Variants in KIF1C observed in about 807,000 individuals in gnomAD.
KIF1C encodes the protein kinesin-like protein KIF1C.
In KIF1C, 61 loss-of-function variants were observed where a neutral mutation model predicts 126.5. The ratio of observed to expected loss-of-function variants is 0.48; its 90% CI spans 0.39 to 0.60. KIF1C has a LOEUF of 0.60. KIF1C is among the 20% of genes least tolerant of loss of function. The pLI is 0.00. For missense variants in KIF1C, 1,315 were observed against 1,489.2 expected, an observed-to-expected ratio of 0.88 and a Z score of 1.93; for synonymous variants, 640 against 580.6, an observed-to-expected ratio of 1.10 and a Z score of -1.47.
At chr17:5,004,286 T>C (rs746892804) in intron 11 of KIF1C, among the ~76,000 whole-genome samples, 5 of 152,158 alleles carry the variant, frequency 3.3e-5, no homozygotes, top group Non-Finnish European at 5.9e-5. Context: ...CTGACCTGGC[T>C]ACTCATGACC....
intron 18 of KIF1C, among the ~76,000 whole-genome samples, chr17:5,017,332 C>G: frequency 7.4e-6 from 1 of 135,692 alleles, no homozygotes; most frequent in East Asian, 2.1e-4. Context: ...CGGAGTCTCG[C>G]TCTGTCGCCC....
chr17:5,004,773 C>T, intron 12 of KIF1C, 82 bp from the exon 13 acceptor site: 1 of 1,603,762 alleles, frequency 6.2e-7, no homozygotes. Context: ...TATCTTGAGA[C>T]CTGGGAGAGG....
chr17:5,006,077 C>T (rs1471432530), intron 13 of KIF1C, among the ~76,000 whole-genome samples: 2 of 150,130 alleles, frequency 1.3e-5, no homozygotes, highest in South Asian at 2.1e-4. Flanking sequence ...TGTGGTGGCA[C>T]GCACCTGTAA....
In KIF1C at chr17:5,003,680, G is replaced by A; in HGVS notation, c.789G>A (p.Met263Ile). 1 of 1,613,620 alleles carries A rather than the reference G, an allele frequency of 6.2e-7. No homozygotes were observed. Among genetic ancestry groups the A allele is most frequent in the South Asian group, 1.1e-5 (1 of 91,006 alleles). Residue 263 changes from methionine (M) to isoleucine (I), a missense_variant, in exon 9 of 23, where the codon ATG (methionine) becomes ATA (isoleucine). Met to Ile is a conservative substitution (Grantham distance 10). Transcript: ENST00000320785. ...ERADSSGARGMRLKEGANINK... is the reference protein window; with the variant it reads ...ERADSSGARGIRLKEGANINK... ...CCGACTCCTCAGGGGCCCGGGGCAT[G>A]CGCCTGAAGGTGAGGGGCCTTCAGA...
intron 18 of KIF1C, among the ~76,000 whole-genome samples, chr17:5,018,833 A>G (rs238282): frequency 2.0e-5 from 3 of 152,068 alleles, no homozygotes; most frequent in Non-Finnish European, 4.4e-5. Context: ...TATATCACCA[A>G]TGTATTTCTG....
chr17:5,007,299 T>C lies in KIF1C; in HGVS notation c.1372T>C (p.Trp458Arg), dbSNP rs774678551. The C allele has an allele frequency of 3.7e-6, 6 of 1,612,194 alleles. No individual in the cohort carries two copies. The highest frequency in any genetic ancestry group is 2.2e-5 in the East Asian group (1 of 44,828). Residue 458 changes from tryptophan (W) to arginine (R), a missense_variant, in exon 15 of 23, where the codon TGG becomes CGG. Coordinates refer to ENST00000320785, the MANE Select transcript of KIF1C (RefSeq NM_006612.6). ...EKIIAELNETWEEKLRKTEAL... is the reference protein window; with the variant it reads ...EKIIAELNETREEKLRKTEAL... ...GATTATAGCTGAGCTGAACGAGACA[T>C]GGGAGGAGAAGCTACGCAAGACAGA...
chr17:5,016,328 G>C (rs1974972385), intron 18 of KIF1C, among the ~76,000 whole-genome samples: 1 of 151,504 alleles, frequency 6.6e-6, no homozygotes, highest in African/African-American at 2.4e-5. Context: ...GTAGAAACAG[G>C]GTTTCTCCAA....
chr17:5,018,796 C>T (rs750008271), intron 18 of KIF1C, among the ~76,000 whole-genome samples: 3 of 152,080 alleles, frequency 2.0e-5, no homozygotes, highest in Non-Finnish European at 2.9e-5. Context: ...CAGAAGTAAG[C>T]TCTATGAGAG....
chr17:5,023,024 TTTTG>T lies in KIF1C; in HGVS notation c.2628+319_2628+322del, dbSNP rs1215833434. On this transcript the variant is annotated intron_variant, in intron 22 of 22. Coordinates refer to ENST00000320785, the MANE Select transcript of KIF1C (RefSeq NM_006612.6). The surrounding 1 kb of genome is among the most constrained non-coding windows in gnomAD (Gnocchi z 4.2). ...CACTGATATAAAGTTTGCAGTTTTGTTTTGTTTCTGAGGTGAAGTCTTGCTCTGT... is the reference window on the plus strand; with the variant it reads ...CACTGATATAAAGTTTGCAGTTTTGTTTTCTGAGGTGAAGTCTTGCTCTGT... 6.6e-6 allele frequency among the ~76,000 whole-genome samples: 1 copy of T among 152,174 alleles called. No individual in the cohort carries two copies. Among genetic ancestry groups the T allele is most frequent in the Non-Finnish European group, 1.5e-5 (1 of 68,036 alleles).
chr17:5,020,007 C>T lies in KIF1C; in HGVS notation c.1678C>T (p.Leu560=). 6.2e-7 allele frequency: 1 copy of T among 1,604,274 alleles called. No individual in the cohort carries two copies. The highest frequency in any genetic ancestry group is 8.5e-7 in the Non-Finnish European group (1 of 1,175,248). ...PQPDGEVVVT[L]EPCEGAETYV... The stretch of plus-strand genomic sequence containing the variant: ...GCCCCTCCATTCAGTGGTGGTCACT[C>T]TGGAGCCTTGTGAAGGAGCTGAGAC... Residue 560 remains leucine, a synonymous_variant, in exon 19 of 23, where the codon CTG becomes TTG. Transcript: ENST00000320785. This position sits in a 1 kb window ranked among gnomAD's most constrained non-coding sequence, Gnocchi z 5.8.
intron 16 of KIF1C, among the ~76,000 whole-genome samples, chr17:5,009,659 G>A (rs190555240): frequency 1.1e-4 from 17 of 151,300 alleles, no homozygotes; most frequent in African/African-American, 3.9e-4. Flanking sequence ...GTGCTGGCGG[G>A]CGCCTGTAGT....
chr17:5,001,489 G>C (rs1408777104), intron 5 of KIF1C, 88 bp downstream of exon 5: 4 of 1,309,316 alleles, frequency 3.1e-6, no homozygotes, highest in Non-Finnish European at 4.3e-6. Flanking sequence ...GAGGATTATG[G>C]AACAGAGACC....
Position 5,004,562 on chromosome 17 carries a change from C to T in KIF1C, c.941-5C>T, listed in dbSNP as rs1472573964. On this transcript the variant is annotated splice_region_variant and splice_polypyrimidine_tract_variant and intron_variant, in intron 11 of 22. Transcript: ENST00000320785. ...CTGAAGCTTTTCCATGCACTCCATT[C>T]ACAGGGGGGAACTCACGCACAGCCA... 6.2e-7 allele frequency: 1 copy of T among 1,614,016 alleles called. No individual in the cohort carries two copies. The highest frequency in any genetic ancestry group is 8.5e-7 in the Non-Finnish European group (1 of 1,179,912).
rs367898005 is a variant in KIF1C at position 5,016,583 on chromosome 17, CAT to C, written c.1666+1747_1666+1748del. Among the ~76,000 whole-genome samples the C allele has an allele frequency of 2.0e-3, 305 of 151,636 alleles. 1 individual carries two copies. Among genetic ancestry groups the C allele is most frequent in the African/African-American group, 6.9e-3 (285 of 41,444 alleles). ...TTTAAAAAATAACAAAAGACGCTAT[CAT>C]GTGCGTCTTACAGTGAGGTTTAAGA... On this transcript the variant is annotated intron_variant, in intron 18 of 22. Coordinates refer to ENST00000320785, the MANE Select transcript of KIF1C (RefSeq NM_006612.6).
intron 18 of KIF1C, among the ~76,000 whole-genome samples, chr17:5,015,638 C>G (rs1974956849): frequency 1.4e-5 from 2 of 144,392 alleles, no homozygotes; most frequent in Non-Finnish European, 3.0e-5. Flanking sequence ...CACTGTTTCC[C>G]CCAGGCTGGA....
In KIF1C at chr17:5,022,532, T is replaced by G. The variant is rs1309728888; in HGVS notation, c.2451T>G (p.Ser817Arg). Reference sequence around the variant, plus strand: ...AGGAGGAAGGAGGTGGAGCTGGCAGTGGTGGTGGCAGTGAGGAGGGAGCCC... The same window carrying G: ...AGGAGGAAGGAGGTGGAGCTGGCAGGGGTGGTGGCAGTGAGGAGGGAGCCC... ...VGEEEGGGAGSGGGSEEGARG... is the reference protein window; with the variant it reads ...VGEEEGGGAGRGGGSEEGARG... The change falls in exon 22 of 23, where the codon AGT becomes AGG. Residue 817 changes from serine to arginine, a missense_variant. Ser to Arg is a moderately radical substitution (Grantham distance 110). Around this residue, in one of 2 missense-constraint regions of KIF1C, gnomAD observed 441 missense variants for 436.1 expected, o/e 1.01. Coordinates refer to ENST00000320785, the MANE Select transcript of KIF1C (RefSeq NM_006612.6). This position sits in a 1 kb window ranked among gnomAD's most constrained non-coding sequence, Gnocchi z 4.9. The G allele has an allele frequency of 6.3e-7, 1 of 1,587,760 alleles. No individual in the cohort carries two copies. The highest frequency in any genetic ancestry group is 2.3e-5 in the East Asian group (1 of 43,724).
At chr17:5,018,301 T>G (rs1975020802) in intron 18 of KIF1C, among the ~76,000 whole-genome samples, 1 of 151,954 alleles carries the variant, frequency 6.6e-6, no homozygotes, top group Admixed American at 6.6e-5. Flanking sequence ...TAGAGAGGAC[T>G]TTAGATTATC....
At chr17:5,012,077 C>T (rs933211602) in intron 16 of KIF1C, 4 of 152,364 alleles carry the variant, frequency 2.6e-5, no homozygotes, top group African/African-American at 9.6e-5. Flanking sequence ...ATCAGAAACT[C>T]CTCCATGAGG....
chr17:5,023,435 A>C lies in KIF1C; in HGVS notation c.2629-33A>C. On this transcript the variant is annotated intron_variant, in intron 22 of 22. Transcript: ENST00000320785. This position sits in a 1 kb window ranked among gnomAD's most constrained non-coding sequence, Gnocchi z 4.2. Reference sequence around the variant, plus strand: ...GTCCTGAGGATTCAGCTCTCCTCACATCCCTTCTCCTTTTCTCACTCCTCC... The same window carrying C: ...GTCCTGAGGATTCAGCTCTCCTCACCTCCCTTCTCCTTTTCTCACTCCTCC... 1.3e-6 allele frequency: 2 copies of C among 1,583,164 alleles called. No homozygotes were observed. Among genetic ancestry groups the C allele is most frequent in the Non-Finnish European group, 1.7e-6 (2 of 1,154,974 alleles).
Sources: gnomAD v4.1 joint callset for allele counts (sites outside exome capture counted in the v4.1 genomes callset) on GRCh38, gnomAD v4.1.1 for gene constraint, gnomAD v4.1.1 regional missense constraint, Gnocchi (gnomAD v3.1) non-coding constraint, MANE v1.5 for transcripts, NCBI Gene and HGNC (gene_info 2026-07-23, HGNC 2026-07-21) for gene names.